Variants in RBFOX1 observed in about 807,000 individuals in gnomAD.
RBFOX1 encodes RNA binding protein fox-1 homolog 1.
Under a neutral mutation model 57.7 loss-of-function variants are expected in RBFOX1, and 8 were observed. The observed-to-expected ratio is 0.14, with a 90% CI of 0.08 to 0.25. The LOEUF is 0.25. Among genes scored for constraint, RBFOX1 ranks in the 10% least tolerant of loss-of-function variants. The pLI, the probability that RBFOX1 is intolerant of heterozygous loss-of-function variation, is 1.00. For synonymous variants in RBFOX1, 326 were observed against 222.4 expected, an observed-to-expected ratio of 1.47 and a Z score of -4.15; for missense variants, 611 against 548.5, an observed-to-expected ratio of 1.11 and a Z score of -1.14.
chr16:6,001,699 C>T (rs1053490588), intron 4 of RBFOX1, among the ~76,000 whole-genome samples: 9 of 152,054 alleles, frequency 5.9e-5, no homozygotes, highest in African/African-American at 1.9e-4. Context: ...TTTCAAAATA[C>T]ATTAATTTAA....
At chr16:7,013,511 A>G (rs1350897470) in intron 3 of RBFOX1, among the ~76,000 whole-genome samples, 1 of 152,180 alleles carries the variant, frequency 6.6e-6, no homozygotes, top group East Asian at 1.9e-4. Flanking sequence ...ATTACACAGG[A>G]CAGTCCCCAA....
chr16:7,192,239 C>T (rs1271493865), intron 4 of RBFOX1, among the ~76,000 whole-genome samples: 13 of 152,214 alleles, frequency 8.5e-5, no homozygotes, highest in Admixed American at 6.5e-4. Flanking sequence ...GTTTTAGCCT[C>T]TTGGTAGCCT....
intron 2 of RBFOX1, among the ~76,000 whole-genome samples, chr16:6,419,716 A>C (rs1210304017): frequency 6.6e-6 from 1 of 152,092 alleles, no homozygotes; most frequent in Non-Finnish European, 1.5e-5. Flanking sequence ...ACTATATGAC[A>C]CATCCCAGTC....
chr16:5,999,902 AAAAAAG>A (rs1567239207), intron 4 of RBFOX1, among the ~76,000 whole-genome samples: 5 of 37,336 alleles, frequency 1.3e-4, no homozygotes, highest in African/African-American at 5.5e-4. Flanking sequence ...AAAAAAAAAA[AAAAAAG>A]AGTGAAGAAG....
chr16:7,076,516 A>G (rs1013218517), intron 4 of RBFOX1, among the ~76,000 whole-genome samples: 6 of 152,210 alleles, frequency 3.9e-5, no homozygotes, highest in Non-Finnish European at 5.9e-5. Flanking sequence ...TATACAAAAA[A>G]TAATGCCATA....
intron 1 of RBFOX1, among the ~76,000 whole-genome samples, chr16:6,192,014 G>A (rs1018847873): frequency 6.6e-6 from 1 of 152,134 alleles, no homozygotes; most frequent in Admixed American, 6.5e-5. Context: ...GAGGAAGAAG[G>A]TCATGGAATT....
Position 7,518,224 on chromosome 16 carries a change from C to A in RBFOX1, c.105C>A (p.Asn35Lys), listed in dbSNP as rs542828240. The change falls in exon 5 of 16, where the codon AAC becomes AAA. Residue 35 changes from asparagine (N) to lysine (K), a missense_variant. This residue lies in a region of RBFOX1 where 245 missense variants were observed against 159.1 expected (regional missense o/e 1.54). Coordinates refer to ENST00000550418, the MANE Select transcript of RBFOX1 (RefSeq NM_018723.4). ...CGGCCCAGTTTGCTCCCCCGCAGAA[C>A]GGTATCCCCGCGGAATACACGGCCC... ...YASAQFAPPQ[N>K]GIPAEYTAPH... 1 of 1,614,126 alleles carries A rather than the reference C, an allele frequency of 6.2e-7. No individual in the cohort carries two copies. The highest frequency in any genetic ancestry group is 8.5e-7 in the Non-Finnish European group (1 of 1,180,010).
At chr16:6,977,923 C>A (rs1330282536) in intron 3 of RBFOX1, among the ~76,000 whole-genome samples, 1 of 129,854 alleles carries the variant, frequency 7.7e-6, no homozygotes. Context: ...ACTGCCTCTT[C>A]CAGCCTCCCC....
At chr16:5,267,405 CT>C (rs1311693321) in intron 1 of RBFOX1, among the ~76,000 whole-genome samples, 1 of 151,558 alleles carries the variant, frequency 6.6e-6, no homozygotes. Context: ...TCAAGCAATG[CT>C]TGTGCCTCAG....
intron 4 of RBFOX1, among the ~76,000 whole-genome samples, chr16:7,184,082 G>T (rs2083253787): frequency 1.3e-5 from 2 of 152,204 alleles, no homozygotes; most frequent in Admixed American, 1.3e-4. Context: ...CAGGATTGGT[G>T]AGAAGAGCCT....
At chr16:7,638,109 C>T (rs1389125319) in intron 11 of RBFOX1, among the ~76,000 whole-genome samples, 3 of 152,166 alleles carry the variant, frequency 2.0e-5, no homozygotes, top group East Asian at 3.9e-4. Context: ...TCCTCCCTTC[C>T]ACCCCCCACT....
At chr16:6,684,303 C>T (rs892209703) in intron 3 of RBFOX1, among the ~76,000 whole-genome samples, 2 of 151,558 alleles carry the variant, frequency 1.3e-5, no homozygotes, top group African/African-American at 2.4e-5. Context: ...GCGCCAGCCA[C>T]TGTTTTAATT....
intron 3 of RBFOX1, among the ~76,000 whole-genome samples, chr16:6,962,049 G>C (rs1489627611): frequency 6.6e-6 from 1 of 152,136 alleles, no homozygotes; most frequent in Admixed American, 6.5e-5. Flanking sequence ...GAGTTGCTGT[G>C]GTTAGAAGGC....
At position 7,637,650 on chromosome 16, in the gene RBFOX1, G is replaced by A. The variant is rs189605005; in HGVS notation, c.757+6967G>A. 3.5e-3 allele frequency among the ~76,000 whole-genome samples: 526 copies of A among 152,224 alleles called. 5 individuals carry two copies. Among genetic ancestry groups the A allele is most frequent in the African/African-American group, 0.012 (496 of 41,518 alleles). On this transcript the variant is annotated intron_variant, in intron 11 of 15. Transcript: ENST00000550418. Reference sequence around the variant, plus strand: ...TCAGTTACTAGAAAGGACACATACAGGTCATTTTGTTACTGACACATTGGT... The same window carrying A: ...TCAGTTACTAGAAAGGACACATACAAGTCATTTTGTTACTGACACATTGGT...
At chr16:5,576,457 C>G (rs910375223) in intron 2 of RBFOX1, among the ~76,000 whole-genome samples, 1 of 152,190 alleles carries the variant, frequency 6.6e-6, no homozygotes, top group African/African-American at 2.4e-5. Context: ...TCCCACCAAC[C>G]TAAGAGTGGA....
chr16:7,515,307 C>A (rs1424586350), intron 4 of RBFOX1, among the ~76,000 whole-genome samples: 1 of 149,170 alleles, frequency 6.7e-6, no homozygotes, highest in African/African-American at 2.5e-5. Flanking sequence ...TTGTAAGTAA[C>A]AGAAAAAGTA....
intron 3 of RBFOX1, among the ~76,000 whole-genome samples, chr16:5,847,003 A>G (rs113416436): frequency 1.2e-4 from 19 of 152,318 alleles, no homozygotes; most frequent in African/African-American, 4.3e-4. Flanking sequence ...CTCCTTAGCT[A>G]GATCCCAAGA....
intron 4 of RBFOX1, among the ~76,000 whole-genome samples, chr16:7,124,140 A>G (rs1402063366): frequency 2.0e-5 from 3 of 152,232 alleles, no homozygotes; most frequent in African/African-American, 7.2e-5. Context: ...GAACTTGTAC[A>G]TAAAATAAAA....
chr16:6,954,281 C>T lies in RBFOX1; in HGVS notation c.-15-97776C>T, dbSNP rs562959192. ...ATCAGGGTAGCGATTCTGGTCATCT[C>T]GCCAATTTTGACAGTGAGACTTGCT... On this transcript the variant is annotated intron_variant, in intron 3 of 15. Transcript: ENST00000550418. Among the ~76,000 whole-genome samples, 35 of 152,156 alleles carry T rather than the reference C, an allele frequency of 2.3e-4. No individual in the cohort carries two copies. The South Asian group carries it at 6.4e-3, about 28-fold the overall frequency.
Sources: gnomAD v4.1 joint callset for allele counts (sites outside exome capture counted in the v4.1 genomes callset) on GRCh38, gnomAD v4.1.1 for gene constraint, gnomAD v4.1.1 regional missense constraint, MANE v1.5 for transcripts, NCBI Gene and HGNC (gene_info 2026-07-23, HGNC 2026-07-21) for gene names.